Variants in ITGA9 observed in about 807,000 individuals in gnomAD.
The protein encoded by ITGA9 is integrin alpha-9.
A neutral mutation model predicts 127.8 loss-of-function variants in ITGA9; 56 were observed. That is an observed-to-expected ratio of 0.44 (90% CI 0.35 to 0.55). The LOEUF is 0.55. Among genes scored for constraint, ITGA9 ranks in the 20% least tolerant of loss-of-function variants. The pLI is 0.00. For synonymous variants in ITGA9, 508 were observed against 514.5 expected, an observed-to-expected ratio of 0.99 and a Z score of 0.17; for missense variants, 1,196 against 1,347.1, an observed-to-expected ratio of 0.89 and a Z score of 1.76.
chr3:37,627,821 T>C (rs1700190748), intron 15 of ITGA9, among the ~76,000 whole-genome samples: 1 of 152,138 alleles, frequency 6.6e-6, no homozygotes, highest in Non-Finnish European at 1.5e-5. Context: ...ACATAGACAA[T>C]TTCCAGAATA....
chr3:37,789,604 C>T (rs1442559471), intron 26 of ITGA9, among the ~76,000 whole-genome samples: 2 of 137,800 alleles, frequency 1.5e-5, no homozygotes, highest in African/African-American at 2.7e-5. Context: ...CTAAAAAATA[C>T]CAAAAAAAAA....
At chr3:37,686,091 C>T (rs11713437) in intron 18 of ITGA9, among the ~76,000 whole-genome samples, 5,829 of 152,182 alleles carry the variant, frequency 0.038, 121 homozygotes, top group Middle Eastern at 0.048. Flanking sequence ...ATGATCATAT[C>T]CTTAGCTCTA....
At chr3:37,682,119 A>C (rs1227384793) in intron 17 of ITGA9, among the ~76,000 whole-genome samples, 1 of 152,072 alleles carries the variant, frequency 6.6e-6, no homozygotes, top group Non-Finnish European at 1.5e-5. Flanking sequence ...AAGAGCAAAA[A>C]AACTCCCTGG....
chr3:37,659,794 T>C lies in ITGA9; in HGVS notation c.1916+6004T>C, dbSNP rs988355273. Among the ~76,000 whole-genome samples the C allele has an allele frequency of 3.9e-5, 6 of 152,166 alleles. No homozygotes were observed. The East Asian group carries it at 1.2e-3, about 29-fold the overall frequency. On this transcript the variant is annotated intron_variant, in intron 17 of 27. Coordinates refer to ENST00000264741, the MANE Select transcript of ITGA9 (RefSeq NM_002207.3). ...TTTGGAATTTTCAACCTTTTTGTGCTAGTTTTTCCTCATCTTCATGGATTT... is the reference window on the plus strand; with the variant it reads ...TTTGGAATTTTCAACCTTTTTGTGCCAGTTTTTCCTCATCTTCATGGATTT...
At chr3:37,464,324 A>G (rs551949576) in intron 1 of ITGA9, among the ~76,000 whole-genome samples, 3 of 150,426 alleles carry the variant, frequency 2.0e-5, no homozygotes, top group Admixed American at 6.6e-5. Flanking sequence ...GATTCTGACA[A>G]CTTTTGCAAT....
chr3:37,537,137 C>T lies in ITGA9; in HGVS notation c.1528+3669C>T, dbSNP rs1273712183. The stretch of plus-strand genomic sequence containing the variant: ...CTATGAGCTTGGAGAAGGGGCCCTG[C>T]GGAGCTAGGACCTGAACCTCTGAGG... On this transcript the variant is annotated intron_variant, in intron 14 of 27. Coordinates refer to ENST00000264741, the MANE Select transcript of ITGA9 (RefSeq NM_002207.3). 3.3e-5 allele frequency among the ~76,000 whole-genome samples: 5 copies of T among 152,308 alleles called. No individual in the cohort carries two copies. In the East Asian group the frequency reaches 5.8e-4, roughly 18 times the overall value.
At chr3:37,590,275 C>T (rs1699802757) in intron 15 of ITGA9, among the ~76,000 whole-genome samples, 1 of 152,180 alleles carries the variant, frequency 6.6e-6, no homozygotes, top group Non-Finnish European at 1.5e-5. Flanking sequence ...CTCAGGCCAC[C>T]CTAGCCCCCT....
chr3:37,619,789 C>T (rs1377357103), intron 15 of ITGA9, among the ~76,000 whole-genome samples: 2 of 152,186 alleles, frequency 1.3e-5, no homozygotes, highest in African/African-American at 4.8e-5. Context: ...CTGGAATTCA[C>T]TCCTGCAGCT....
chr3:37,522,506 G>A (rs1281615825), intron 11 of ITGA9, among the ~76,000 whole-genome samples: 1 of 152,066 alleles, frequency 6.6e-6, no homozygotes, highest in Non-Finnish European at 1.5e-5. Flanking sequence ...CAGGAACATC[G>A]TTTGAGGCTT....
At chr3:37,541,924 C>G (rs145346681) in intron 14 of ITGA9, among the ~76,000 whole-genome samples, 1 of 152,142 alleles carries the variant, frequency 6.6e-6, no homozygotes, top group Non-Finnish European at 1.5e-5. Flanking sequence ...TTATAGAGCA[C>G]GACTCAACTT....
At position 37,473,605 on chromosome 3, in the gene ITGA9, C is replaced by T. The variant is rs143536472; in HGVS notation, c.420+145C>T. On this transcript the variant is annotated intron_variant, in intron 3 of 27. Coordinates refer to ENST00000264741, the MANE Select transcript of ITGA9 (RefSeq NM_002207.3). ...ACTGCTTAGACAAATGACTTATCTTCTTATTTTCTTTATCTGTCAAATGTG... is the reference window on the plus strand; with the variant it reads ...ACTGCTTAGACAAATGACTTATCTTTTTATTTTCTTTATCTGTCAAATGTG... 6.5e-5 allele frequency: 38 copies of T among 586,040 alleles called. No homozygotes were observed. The East Asian group carries it at 8.4e-4, about 13-fold the overall frequency. The allele number at this position is 586,040 out of a possible 1,614,324, so 36.3% of individuals were successfully genotyped here.
intron 15 of ITGA9, among the ~76,000 whole-genome samples, chr3:37,552,516 CTCTT>C (rs1458805744): frequency 2.0e-5 from 3 of 151,924 alleles, no homozygotes; most frequent in African/African-American, 7.3e-5. Flanking sequence ...TATTTTTAGA[CTCTT>C]TAATGAGAGA....
intron 18 of ITGA9, among the ~76,000 whole-genome samples, chr3:37,706,606 G>A (rs1701008433): frequency 6.6e-6 from 1 of 152,180 alleles, no homozygotes; most frequent in Non-Finnish European, 1.5e-5. Flanking sequence ...TCCAATCCCA[G>A]GTTGTTAAGG....
At chr3:37,737,891 A>AT (rs577063962) in intron 20 of ITGA9, among the ~76,000 whole-genome samples, 2 of 151,918 alleles carry the variant, frequency 1.3e-5, no homozygotes, top group Non-Finnish European at 2.9e-5. Context: ...TTTCTATATA[A>AT]TTTTTTTTGT....
chr3:37,699,599 ACCTCTTACACTCCT>A (rs1700924591), intron 18 of ITGA9, among the ~76,000 whole-genome samples: 1 of 151,886 alleles, frequency 6.6e-6, no homozygotes, highest in South Asian at 2.1e-4. Flanking sequence ...TTCCACCTTT[ACCTCTTACACTCCT>A]CCTCTTACAC....
intron 15 of ITGA9, among the ~76,000 whole-genome samples, chr3:37,560,177 C>T (rs1234034380): frequency 6.6e-6 from 1 of 152,106 alleles, no homozygotes; most frequent in East Asian, 1.9e-4. Flanking sequence ...GTTCAAGTCC[C>T]ACCTATGAGT....
At chr3:37,622,998 T>C (rs899551316) in intron 15 of ITGA9, among the ~76,000 whole-genome samples, 1 of 152,236 alleles carries the variant, frequency 6.6e-6, no homozygotes, top group Non-Finnish European at 1.5e-5. Flanking sequence ...TGTTTATTTC[T>C]GAATTTTCCT....
chr3:37,486,692 T>G (rs911942484), intron 4 of ITGA9, among the ~76,000 whole-genome samples: 3 of 152,240 alleles, frequency 2.0e-5, no homozygotes, highest in African/African-American at 7.2e-5. Context: ...TCTCAAATAC[T>G]GTTGAAGATC....
intron 15 of ITGA9, among the ~76,000 whole-genome samples, chr3:37,586,474 G>A (rs561471449): frequency 1.3e-5 from 2 of 152,192 alleles, no homozygotes; most frequent in African/African-American, 2.4e-5. Context: ...GGACATGCTG[G>A]CCTTGCTTTC....
Sources: allele counts gnomAD v4.1 joint callset (sites outside exome capture counted in the v4.1 genomes callset), GRCh38; gene constraint gnomAD v4.1.1; transcripts MANE v1.5; gene names NCBI Gene and HGNC (gene_info 2026-07-23, HGNC 2026-07-21).